The following PVT1 variants were observed in gnomAD, a reference collection of about 807,000 sequenced individuals.
PVT1 encodes Pvt1 oncogene, also known as CXCR4/PVT1 fusion.
chr8:127,871,638 T>G (rs1247087371), intron 2 of PVT1, among the ~76,000 whole-genome samples: 1 of 152,172 alleles, frequency 6.6e-6, no homozygotes, highest in Non-Finnish European at 1.5e-5. Flanking sequence ...TTTGGTGGTG[T>G]TTTTTGACCC....
intron 4 of PVT1, among the ~76,000 whole-genome samples, chr8:128,023,397 T>C (rs112409632): frequency 1.4e-4 from 22 of 152,278 alleles, no homozygotes; most frequent in African/African-American, 5.3e-4. Context: ...GCTACCTACT[T>C]GACCACGCAG....
At chr8:127,822,745 G>T (rs1214308945) in intron 2 of PVT1, among the ~76,000 whole-genome samples, 1 of 152,200 alleles carries the variant, frequency 6.6e-6, no homozygotes, top group Non-Finnish European at 1.5e-5. Flanking sequence ...ATTGTGGGCG[G>T]GAGAAACAGC....
intron 4 of PVT1, among the ~76,000 whole-genome samples, chr8:128,036,383 C>G (rs144284951): frequency 1.7e-3 from 266 of 152,320 alleles, no homozygotes; most frequent in Middle Eastern, 6.8e-3. Context: ...TCTTGTACCT[C>G]GTCATCGACA....
At chr8:127,981,475 C>T (rs115311148) in intron 3 of PVT1, among the ~76,000 whole-genome samples, 2,274 of 152,304 alleles carry the variant, frequency 0.015, 63 homozygotes, top group African/African-American at 0.053. Context: ...GATCAGAACG[C>T]TTTTACGGAA....
At chr8:127,943,859 T>C (rs1464159724) in intron 3 of PVT1, among the ~76,000 whole-genome samples, 1 of 152,102 alleles carries the variant, frequency 6.6e-6, no homozygotes, top group Non-Finnish European at 1.5e-5. Context: ...GTGAATTTCA[T>C]CCCCAATGTG....
chr8:128,028,307 G>A (rs374156119), intron 4 of PVT1, among the ~76,000 whole-genome samples: 1 of 152,242 alleles, frequency 6.6e-6, no homozygotes, highest in African/African-American at 2.4e-5. Flanking sequence ...AGAAATGCCT[G>A]GACGTTCTCC....
intron 3 of PVT1, among the ~76,000 whole-genome samples, chr8:127,913,351 G>A (rs889355403): frequency 2.0e-5 from 3 of 152,158 alleles, no homozygotes; most frequent in African/African-American, 7.2e-5. Context: ...TTCAAACCAG[G>A]AATTCACTGC....
At chr8:128,094,626 G>C (rs79957048) in intron 5 of PVT1, among the ~76,000 whole-genome samples, 3,629 of 152,324 alleles carry the variant, frequency 0.024, 58 homozygotes, top group Non-Finnish European at 0.035. Context: ...CCTACCCATC[G>C]TGTGTGGGTA....
In PVT1 at chr8:127,994,828, A is replaced by T. The variant is rs1817086768; in HGVS notation, n.912+5537A>T. Among the ~76,000 whole-genome samples the T allele has an allele frequency of 2.6e-5, 4 of 152,292 alleles. No individual in the cohort carries two copies. In the East Asian group the frequency reaches 7.7e-4, roughly 29 times the overall value. On this transcript the variant is annotated intron_variant and non_coding_transcript_variant, in intron 4 of 10. Transcript: ENST00000651587. The stretch of plus-strand genomic sequence containing the variant: ...CAGGAGAAGATCGATGTCCCAGAAC[A>T]AGCAATCAGGCAGAGATGAAATTCA...
At chr8:128,080,370 G>T (rs563363992) in intron 5 of PVT1, among the ~76,000 whole-genome samples, 1 of 152,206 alleles carries the variant, frequency 6.6e-6, no homozygotes, top group African/African-American at 2.4e-5. Flanking sequence ...GAGAGTCCCT[G>T]TTGCTCCAAA....
chr8:127,859,739 A>C (rs969882739), intron 2 of PVT1, among the ~76,000 whole-genome samples: 1 of 151,964 alleles, frequency 6.6e-6, no homozygotes, highest in Non-Finnish European at 1.5e-5. Flanking sequence ...CCTGGGGTTG[A>C]ATCTCGGGCC....
intron 3 of PVT1, among the ~76,000 whole-genome samples, chr8:127,958,960 C>T (rs140042723): frequency 1.2e-3 from 183 of 146,728 alleles, no homozygotes; most frequent in East Asian, 4.5e-3. Context: ...TCAGTTGTCA[C>T]GGTCACAGCA....
chr8:127,816,505 T>C lies in PVT1; in HGVS notation n.372+20434T>C, dbSNP rs544542070. Reference sequence around the variant, plus strand: ...TCATGGATGAAAAAAAAAAAACCCATGCGTATTCTTTTTTTTTTCTTTTTT... The same window carrying C: ...TCATGGATGAAAAAAAAAAAACCCACGCGTATTCTTTTTTTTTTCTTTTTT... On this transcript the variant is annotated intron_variant and non_coding_transcript_variant, in intron 2 of 10. Transcript: ENST00000651587. 4.0e-5 allele frequency among the ~76,000 whole-genome samples: 6 copies of C among 151,072 alleles called. No homozygotes were observed. The East Asian group carries it at 1.2e-3, about 29-fold the overall frequency.
At chr8:127,935,699 TCA>T (rs920191807) in intron 3 of PVT1, among the ~76,000 whole-genome samples, 19 of 151,574 alleles carry the variant, frequency 1.3e-4, no homozygotes, top group African/African-American at 4.6e-4. Flanking sequence ...TTGAGAAACC[TCA>T]GTTTTCTTAT....
At chr8:127,802,294 G>T (rs1433777144) in intron 2 of PVT1, among the ~76,000 whole-genome samples, 1 of 151,960 alleles carries the variant, frequency 6.6e-6, no homozygotes, top group African/African-American at 2.4e-5. Flanking sequence ...GATCATTATA[G>T]CCTCGACCTC....
At chr8:127,979,376 G>A (rs1280600895) in intron 3 of PVT1, among the ~76,000 whole-genome samples, 1 of 152,204 alleles carries the variant, frequency 6.6e-6, no homozygotes, top group Non-Finnish European at 1.5e-5. Context: ...CCACAAAGTA[G>A]CTCCCATTTG....
chr8:128,094,957 A>T (rs1304088662), intron 5 of PVT1, among the ~76,000 whole-genome samples: 1 of 152,174 alleles, frequency 6.6e-6, no homozygotes, highest in African/African-American at 2.4e-5. Flanking sequence ...CCAGATGTGG[A>T]TGGGGCCAGC....
chr8:128,027,498 T>C (rs1235603359), intron 4 of PVT1, among the ~76,000 whole-genome samples: 1 of 152,100 alleles, frequency 6.6e-6, no homozygotes, highest in South Asian at 2.1e-4. Context: ...ACTGAGCATA[T>C]AGTGAATGAC....
chr8:127,983,701 T>A (rs767275642), intron 3 of PVT1, among the ~76,000 whole-genome samples: 3 of 152,146 alleles, frequency 2.0e-5, no homozygotes, highest in Non-Finnish European at 4.4e-5. Flanking sequence ...AACGACTGTA[T>A]AATTATCAAA....
Sources: allele counts gnomAD v4.1 joint callset (sites outside exome capture counted in the v4.1 genomes callset), GRCh38; gene constraint gnomAD v4.1.1; transcripts MANE v1.5; gene names NCBI Gene and HGNC (gene_info 2026-07-23, HGNC 2026-07-21).